The following TSPAN9 variants were observed in gnomAD, a reference collection of about 807,000 sequenced individuals.
TSPAN9 encodes the protein tetraspanin 9, also known as tetraspanin-9.
A neutral mutation model predicts 31.0 loss-of-function variants in TSPAN9; 16 were observed. The ratio of observed to expected loss-of-function variants is 0.52; its 90% CI spans 0.35 to 0.78. The LOEUF (loss-of-function observed/expected upper bound fraction) is 0.78. TSPAN9 is among the 30% of genes least tolerant of loss of function. The pLI is 0.01. For synonymous variants in TSPAN9, 145 were observed against 121.6 expected (o/e 1.19, Z -1.27); for missense variants, 272 against 312.5 (o/e 0.87, Z 0.98).
chr12:3,265,301 C>T (rs765213084), intron 3 of TSPAN9, among the ~76,000 whole-genome samples: 10 of 152,162 alleles, frequency 6.6e-5, no homozygotes, highest in Admixed American at 2.6e-4. Flanking sequence ...ACAGGCACCG[C>T]GTGGAAAAGG....
intron 3 of TSPAN9, among the ~76,000 whole-genome samples, chr12:3,219,230 A>G (rs1374874190): frequency 6.6e-6 from 1 of 152,132 alleles, no homozygotes; most frequent in African/African-American, 2.4e-5. Flanking sequence ...CGACCTCTCT[A>G]GACTCAGTTT....
At chr12:3,094,845 AT>A (rs2098307039) in intron 2 of TSPAN9, among the ~76,000 whole-genome samples, 1 of 111,046 alleles carries the variant, frequency 9.0e-6, no homozygotes, top group Non-Finnish European at 2.0e-5. Context: ...AAAATCAATA[AT>A]CTTTTTTTTT....
intron 3 of TSPAN9, among the ~76,000 whole-genome samples, chr12:3,240,504 G>T (rs7306233): frequency 0.013 from 1,945 of 152,312 alleles, 35 homozygotes; most frequent in African/African-American, 0.044. Flanking sequence ...GCTCAGAAGG[G>T]TCTGGTGACG....
chr12:3,243,395 A>G lies in TSPAN9; in HGVS notation c.64-35026A>G, dbSNP rs183576013. On this transcript the variant is annotated intron_variant, in intron 3 of 8. Coordinates refer to ENST00000011898, the MANE Select transcript of TSPAN9 (RefSeq NM_006675.5). ...TCCTGTTTTAACTTATGTTTTGCAC[A>G]TAGGGCGGCTCAGAGAAGTTAAGTA... Among the ~76,000 whole-genome samples the G allele has an allele frequency of 3.9e-5, 6 of 152,244 alleles. No individual in the cohort carries two copies. In the East Asian group the frequency reaches 1.2e-3, roughly 29 times the overall value.
intron 2 of TSPAN9, among the ~76,000 whole-genome samples, chr12:3,154,070 G>A (rs2098341159): frequency 6.6e-6 from 1 of 151,936 alleles, no homozygotes; most frequent in Non-Finnish European, 1.5e-5. Flanking sequence ...CTGTTTCTCT[G>A]TCTAGCTGTC....
At chr12:3,277,079 A>C (rs1289447806) in intron 3 of TSPAN9, among the ~76,000 whole-genome samples, 2 of 152,202 alleles carry the variant, frequency 1.3e-5, no homozygotes, top group Non-Finnish European at 2.9e-5. Flanking sequence ...TCCAGCAAGC[A>C]GTGCCCGGAG....
intron 2 of TSPAN9, among the ~76,000 whole-genome samples, chr12:3,181,747 G>A (rs1045567107): frequency 3.9e-5 from 6 of 152,062 alleles, no homozygotes; most frequent in South Asian, 2.1e-4. Context: ...CCCAGCCCTC[G>A]TGCCCTTCCC....
At chr12:3,224,512 G>A (rs775841844) in intron 3 of TSPAN9, among the ~76,000 whole-genome samples, 3 of 152,240 alleles carry the variant, frequency 2.0e-5, no homozygotes, top group Non-Finnish European at 2.9e-5. Flanking sequence ...GGGCAGAGGC[G>A]GAATCAGGAC....
intron 2 of TSPAN9, among the ~76,000 whole-genome samples, chr12:3,178,022 G>T (rs1369850717): frequency 6.6e-6 from 1 of 152,206 alleles, no homozygotes; most frequent in Non-Finnish European, 1.5e-5. Context: ...TGTTCTGCAG[G>T]TGGCATGGTG....
At chr12:3,134,629 G>A (rs1044314604) in intron 2 of TSPAN9, among the ~76,000 whole-genome samples, 1 of 152,170 alleles carries the variant, frequency 6.6e-6, no homozygotes, top group East Asian at 1.9e-4. Flanking sequence ...GGGATGGAGG[G>A]AAGTTTGGGG....
Position 3,201,173 on chromosome 12 carries a change from C to T in TSPAN9, c.-17-4C>T, listed in dbSNP as rs1258409149. On this transcript the variant is annotated splice_polypyrimidine_tract_variant and splice_region_variant and intron_variant, in intron 2 of 8. Coordinates refer to ENST00000011898, the MANE Select transcript of TSPAN9 (RefSeq NM_006675.5). ...CCTGGACCTGTCCTTTGTGTTCCTC[C>T]TAGAATTTAAGAAGTGCAACATGGC... 6.2e-7 allele frequency: 1 copy of T among 1,613,536 alleles called. No homozygotes were observed.
intron 3 of TSPAN9, among the ~76,000 whole-genome samples, chr12:3,239,454 A>G (rs2098395446): frequency 6.6e-6 from 1 of 152,200 alleles, no homozygotes; most frequent in Non-Finnish European, 1.5e-5. Context: ...TAACATGATC[A>G]TGATGGTGCC....
At chr12:3,156,389 G>A (rs867176620) in intron 2 of TSPAN9, among the ~76,000 whole-genome samples, 10 of 152,222 alleles carry the variant, frequency 6.6e-5, no homozygotes, top group East Asian at 3.9e-4. Flanking sequence ...GTGGGGAGTC[G>A]GGGGGCCAGG....
chr12:3,082,194 G>C (rs914165094), intron 1 of TSPAN9, among the ~76,000 whole-genome samples: 3 of 152,214 alleles, frequency 2.0e-5, no homozygotes, highest in African/African-American at 7.2e-5. Context: ...TGATTGAGGA[G>C]CACCATTGCA....
Position 3,137,621 on chromosome 12 carries a change from A to G in TSPAN9, c.-18+53902A>G, listed in dbSNP as rs144113458. Among the ~76,000 whole-genome samples, 617 of 152,094 alleles carry G rather than the reference A, an allele frequency of 4.1e-3. 6 individuals carry two copies. The highest frequency in any genetic ancestry group is 0.014 in the Middle Eastern group (4 of 292). On this transcript the variant is annotated intron_variant, in intron 2 of 8. Transcript: ENST00000011898. ...GGAGGAGGGCTCTATCCCAGGCTCC[A>G]ACATCCTGCTTGGCTCATCTCCCCC...
Position 3,269,908 on chromosome 12 carries a change from G to A in TSPAN9, c.64-8513G>A, listed in dbSNP as rs184462632. On this transcript the variant is annotated intron_variant, in intron 3 of 8. Coordinates refer to ENST00000011898, the MANE Select transcript of TSPAN9 (RefSeq NM_006675.5). ...TGGGAAGAAGATGTGGTTTTGCCCC[G>A]CGTGCACAGCCTGTCCTGGTAGGGC... Among the ~76,000 whole-genome samples the A allele has an allele frequency of 3.8e-3, 575 of 152,348 alleles. 4 individuals are homozygous for A. Among genetic ancestry groups the A allele is most frequent in the Admixed American group, 9.9e-3 (151 of 15,312 alleles).
intron 2 of TSPAN9, among the ~76,000 whole-genome samples, chr12:3,085,591 G>C (rs186886786): frequency 6.6e-6 from 1 of 152,262 alleles, no homozygotes; most frequent in East Asian, 1.9e-4. Flanking sequence ...GGGGTGGGAG[G>C]TTCTTGTCCT....
At chr12:3,227,282 A>G (rs1350718116) in intron 3 of TSPAN9, among the ~76,000 whole-genome samples, 1 of 152,164 alleles carries the variant, frequency 6.6e-6, no homozygotes, top group African/African-American at 2.4e-5. Context: ...TCGGCTGTAC[A>G]TGTGTCCTGG....
At chr12:3,216,682 G>A (rs59462718) in intron 3 of TSPAN9, among the ~76,000 whole-genome samples, 6,084 of 152,304 alleles carry the variant, frequency 0.04, 410 homozygotes, top group African/African-American at 0.14. Context: ...TTTGTCACAG[G>A]TGTGGTCCGG....
Sources: allele counts gnomAD v4.1 joint callset (sites outside exome capture counted in the v4.1 genomes callset), GRCh38; gene constraint gnomAD v4.1.1; transcripts MANE v1.5; gene names NCBI Gene and HGNC (gene_info 2026-07-23, HGNC 2026-07-21).